MACROD2: variants seen among roughly 807,000 people sequenced by gnomAD.
MACROD2 encodes the protein ADP-ribose glycohydrolase MACROD2.
In MACROD2, 36 loss-of-function variants were observed where a neutral mutation model predicts 70.4. That is an observed-to-expected ratio of 0.51 (90% CI 0.39 to 0.68). The LOEUF is 0.68. MACROD2 is among the 30% of genes least tolerant of loss of function. The pLI is 0.00. For missense variants in MACROD2, 496 were observed against 538.4 expected (o/e 0.92, Z 0.78); for synonymous variants, 172 against 178.8 (o/e 0.96, Z 0.30).
intron 15 of MACROD2, among the ~76,000 whole-genome samples, chr20:16,003,906 T>G (rs978505702): frequency 2.0e-5 from 3 of 152,174 alleles, no homozygotes; most frequent in African/African-American, 7.2e-5. Flanking sequence ...CCTGACCTCC[T>G]GGTCTGCCCG....
At chr20:15,114,743 C>T (rs2075980139) in intron 5 of MACROD2, among the ~76,000 whole-genome samples, 4 of 152,282 alleles carry the variant, frequency 2.6e-5, no homozygotes, top group South Asian at 2.1e-4. Flanking sequence ...TTTAATGTTA[C>T]CTTCTCTTTC....
chr20:15,456,260 C>T (rs1411582288), intron 7 of MACROD2, among the ~76,000 whole-genome samples: 1 of 152,202 alleles, frequency 6.6e-6, no homozygotes, highest in Non-Finnish European at 1.5e-5. Context: ...TAAAACACAT[C>T]CTTTGCTTCA....
At chr20:15,660,991 A>C (rs2049813822) in intron 8 of MACROD2, among the ~76,000 whole-genome samples, 1 of 152,116 alleles carries the variant, frequency 6.6e-6, no homozygotes, top group South Asian at 2.1e-4. Flanking sequence ...TTCTTTGCAG[A>C]TGTTTCGGAG....
chr20:14,815,189 C>T lies in MACROD2; in HGVS notation c.418+130230C>T, dbSNP rs143843897. On this transcript the variant is annotated intron_variant, in intron 5 of 17. Coordinates refer to ENST00000684519, the MANE Select transcript of MACROD2 (RefSeq NM_001351661.2). Reference sequence around the variant, plus strand: ...TACTTTAAATAATGTAAGCTGCATGCTGTTATTTCCTAGAAAGATGTGGTT... The same window carrying T: ...TACTTTAAATAATGTAAGCTGCATGTTGTTATTTCCTAGAAAGATGTGGTT... Among the ~76,000 whole-genome samples, 264 of 152,116 alleles carry T rather than the reference C, an allele frequency of 1.7e-3. 2 individuals are homozygous for T. Among genetic ancestry groups the T allele is most frequent in the African/African-American group, 5.9e-3 (247 of 41,526 alleles).
intron 8 of MACROD2, among the ~76,000 whole-genome samples, chr20:15,699,844 G>C (rs7269188): frequency 0.051 from 7,813 of 152,218 alleles, 312 homozygotes; most frequent in East Asian, 0.21. Flanking sequence ...TTTACCCCCT[G>C]CTCCTCTGGC....
chr20:15,246,987 T>C (rs1038423739), intron 6 of MACROD2, among the ~76,000 whole-genome samples: 1 of 152,120 alleles, frequency 6.6e-6, no homozygotes, highest in African/African-American at 2.4e-5. Flanking sequence ...GCATAGGAAA[T>C]CCGTAGATAC....
chr20:15,166,107 C>G (rs1440099354), intron 5 of MACROD2, among the ~76,000 whole-genome samples: 1 of 152,118 alleles, frequency 6.6e-6, no homozygotes, highest in Non-Finnish European at 1.5e-5. Context: ...GTATTGACTG[C>G]AAATGGGCAC....
intron 5 of MACROD2, among the ~76,000 whole-genome samples, chr20:15,040,405 C>A (rs2075346899): frequency 6.6e-6 from 1 of 151,942 alleles, no homozygotes; most frequent in African/African-American, 2.4e-5. Context: ...CCAGATTTAG[C>A]TTAATTATGG....
At chr20:14,904,299 C>T (rs141358519) in intron 5 of MACROD2, among the ~76,000 whole-genome samples, 20 of 152,146 alleles carry the variant, frequency 1.3e-4, no homozygotes, top group African/African-American at 3.9e-4. Flanking sequence ...GTGACTCATT[C>T]ACATAAAAAT....
chr20:14,376,801 T>TACCCTTTG (rs980513406), intron 3 of MACROD2, among the ~76,000 whole-genome samples: 2 of 148,590 alleles, frequency 1.3e-5, no homozygotes, highest in Non-Finnish European at 3.0e-5. Flanking sequence ...AATAATAATG[T>TACCCTTTG]ACCCTTTGAC....
At chr20:14,196,411 A>T (rs528170253) in intron 3 of MACROD2, among the ~76,000 whole-genome samples, 1 of 152,330 alleles carries the variant, frequency 6.6e-6, no homozygotes, top group Non-Finnish European at 1.5e-5. Flanking sequence ...GTAAAAGAGT[A>T]GGTATTTATA....
At chr20:14,310,725 C>T (rs2082559745) in intron 3 of MACROD2, among the ~76,000 whole-genome samples, 1 of 152,008 alleles carries the variant, frequency 6.6e-6, no homozygotes, top group South Asian at 2.1e-4. Context: ...CAGCTTCATG[C>T]ATGTTATTTA....
intron 8 of MACROD2, among the ~76,000 whole-genome samples, chr20:15,760,066 A>AGATCAAC (rs1985828591): frequency 6.6e-6 from 1 of 152,254 alleles, no homozygotes; most frequent in Admixed American, 6.5e-5. Context: ...AGTGCCACAA[A>AGATCAAC]GATCAACCCC....
intron 3 of MACROD2, among the ~76,000 whole-genome samples, chr20:14,177,536 G>A (rs549328202): frequency 2.6e-5 from 4 of 151,940 alleles, no homozygotes; most frequent in Non-Finnish European, 5.9e-5. Flanking sequence ...GGCTGGTCTC[G>A]AACCTCCAAC....
At chr20:14,838,313 A>G (rs572217536) in intron 5 of MACROD2, among the ~76,000 whole-genome samples, 1 of 152,266 alleles carries the variant, frequency 6.6e-6, no homozygotes, top group African/African-American at 2.4e-5. Flanking sequence ...ATGGTTCTAC[A>G]TTTTATGTTA....
At chr20:15,714,907 A>G (rs943685190) in intron 8 of MACROD2, among the ~76,000 whole-genome samples, 1 of 152,052 alleles carries the variant, frequency 6.6e-6, no homozygotes. Context: ...ATCTTGTTTA[A>G]AGTTCCCCAG....
intron 3 of MACROD2, among the ~76,000 whole-genome samples, chr20:14,471,739 T>C (rs576894949): frequency 6.6e-6 from 1 of 152,282 alleles, no homozygotes; most frequent in South Asian, 2.1e-4. Context: ...AGGTACTCTT[T>C]CTAACGTGTA....
intron 3 of MACROD2, among the ~76,000 whole-genome samples, chr20:14,288,467 AC>A: frequency 6.6e-6 from 1 of 152,244 alleles, no homozygotes; most frequent in East Asian, 1.9e-4. Context: ...CCCTTGTAGG[AC>A]ACCTCCTTTA....
At chr20:15,937,860 C>A (rs938226570) in intron 12 of MACROD2, among the ~76,000 whole-genome samples, 2 of 151,166 alleles carry the variant, frequency 1.3e-5, no homozygotes, top group Non-Finnish European at 2.9e-5. Context: ...TTTAAAACAC[C>A]AGAATTAATC....
Sources: gnomAD v4.1 joint callset for allele counts (sites outside exome capture counted in the v4.1 genomes callset) on GRCh38, gnomAD v4.1.1 for gene constraint, MANE v1.5 for transcripts, NCBI Gene and HGNC (gene_info 2026-07-23, HGNC 2026-07-21) for gene names.